IMMP2L: variants seen among roughly 807,000 people sequenced by gnomAD.
IMMP2L encodes the protein inner mitochondrial membrane peptidase subunit 2.
IMMP2L carries 18 observed loss-of-function variants against 19.3 expected under a neutral mutation model. That is an observed-to-expected ratio of 0.93 (90% CI 0.64 to 1.38). The LOEUF (loss-of-function observed/expected upper bound fraction) is 1.38. Ranked by LOEUF, IMMP2L falls within the 40% of genes most tolerant of loss-of-function variation. The pLI is 0.00. For synonymous variants in IMMP2L, 76 were observed against 73.0 expected (o/e 1.04, Z -0.21); for missense variants, 233 against 218.2 (o/e 1.07, Z -0.43).
At chr7:111,515,668 G>A (rs756587702) in intron 2 of IMMP2L, among the ~76,000 whole-genome samples, 5 of 151,860 alleles carry the variant, frequency 3.3e-5, no homozygotes, top group Non-Finnish European at 7.4e-5. Flanking sequence ...TTTTGCACTG[G>A]GAATATTTCA....
intron 2 of IMMP2L, among the ~76,000 whole-genome samples, chr7:111,503,993 A>G (rs1844607184): frequency 6.6e-6 from 1 of 152,104 alleles, no homozygotes; most frequent in Admixed American, 6.6e-5. Flanking sequence ...GGAGAAGGAA[A>G]TAAAGGGTAT....
chr7:111,341,421 A>T lies in IMMP2L; in HGVS notation c.239+145817T>A, dbSNP rs1826997163. On this transcript the variant is annotated intron_variant, in intron 3 of 5. Transcript: ENST00000405709. The stretch of plus-strand genomic sequence containing the variant: ...ATGATGTAAACTGCAATCAATGTTT[A>T]AAAAAACATAGTTACATACATATGA... Among the ~76,000 whole-genome samples, 3 of 152,162 alleles carry T rather than the reference A, an allele frequency of 2.0e-5. 1 individual carries two copies. Among genetic ancestry groups the T allele is most frequent in the Non-Finnish European group, 4.4e-5 (3 of 68,020 alleles).
chr7:111,381,690 G>A (rs563289560), intron 3 of IMMP2L, among the ~76,000 whole-genome samples: 1 of 151,992 alleles, frequency 6.6e-6, no homozygotes, highest in South Asian at 2.1e-4. Context: ...AAAGAGAAAA[G>A]CTCAAAAGAA....
chr7:110,982,770 A>G lies in IMMP2L; in HGVS notation c.240-19205T>C, dbSNP rs570398191. On this transcript the variant is annotated intron_variant, in intron 3 of 5. Coordinates refer to ENST00000405709, the MANE Select transcript of IMMP2L (RefSeq NM_032549.4). ...GAAACTAAATAATCTACTTTCAACT[A>G]CAACAAATGGATAAAGGTATTTTTT... 2.0e-5 allele frequency among the ~76,000 whole-genome samples: 3 copies of G among 152,248 alleles called. No individual in the cohort carries two copies. In the South Asian group the frequency reaches 6.2e-4, roughly 32 times the overall value.
At chr7:111,192,603 GACATTTGGAAC>G (rs1330117254) in intron 3 of IMMP2L, among the ~76,000 whole-genome samples, 2 of 152,088 alleles carry the variant, frequency 1.3e-5, no homozygotes, top group African/African-American at 4.8e-5. Context: ...AAATCAGTAA[GACATTTGGAAC>G]ACACCAATTA....
intron 5 of IMMP2L, among the ~76,000 whole-genome samples, chr7:110,715,154 C>G (rs1397118132): frequency 4.6e-5 from 7 of 152,036 alleles, no homozygotes; most frequent in African/African-American, 1.7e-4. Context: ...TTTGGATCTT[C>G]TCTCTTTTTT....
chr7:110,689,333 CAT>C (rs1372487181), intron 5 of IMMP2L, among the ~76,000 whole-genome samples: 3 of 151,976 alleles, frequency 2.0e-5, no homozygotes, highest in African/African-American at 7.3e-5. Flanking sequence ...GTAGTATGCA[CAT>C]GTTATTTTTT....
intron 3 of IMMP2L, among the ~76,000 whole-genome samples, chr7:111,384,785 G>A (rs1274838790): frequency 6.6e-6 from 1 of 152,052 alleles, no homozygotes; most frequent in African/African-American, 2.4e-5. Flanking sequence ...TTCAAAAAGA[G>A]CATTTTACAT....
intron 3 of IMMP2L, among the ~76,000 whole-genome samples, chr7:111,081,992 G>T (rs1007650928): frequency 6.6e-6 from 1 of 152,180 alleles, no homozygotes; most frequent in Non-Finnish European, 1.5e-5. Context: ...TGGAGCAGGA[G>T]TCTCCTAGAA....
intron 3 of IMMP2L, among the ~76,000 whole-genome samples, chr7:111,456,641 A>C (rs1839700311): frequency 6.6e-6 from 1 of 152,054 alleles, no homozygotes; most frequent in South Asian, 2.1e-4. Flanking sequence ...AGCCTTTTGT[A>C]ATATGTTATA....
intron 5 of IMMP2L, among the ~76,000 whole-genome samples, chr7:110,830,572 C>T (rs964313277): frequency 6.6e-5 from 10 of 151,998 alleles, no homozygotes; most frequent in African/African-American, 2.4e-4. Context: ...CCATCTTGTA[C>T]TGCAAACAAA....
intron 2 of IMMP2L, among the ~76,000 whole-genome samples, chr7:111,504,960 A>G (rs1353519297): frequency 6.6e-6 from 1 of 152,128 alleles, no homozygotes; most frequent in Non-Finnish European, 1.5e-5. Context: ...ACAAAAGCCA[A>G]AACTGACAAA....
intron 3 of IMMP2L, among the ~76,000 whole-genome samples, chr7:111,177,255 C>T (rs1214896336): frequency 6.6e-6 from 1 of 152,088 alleles, no homozygotes; most frequent in Non-Finnish European, 1.5e-5. Context: ...TCGCAGTTCA[C>T]TGCAGGCTTG....
chr7:111,008,090 C>T (rs1456878773), intron 3 of IMMP2L, among the ~76,000 whole-genome samples: 1 of 152,076 alleles, frequency 6.6e-6, no homozygotes, highest in Non-Finnish European at 1.5e-5. Flanking sequence ...GTATCTTCTA[C>T]TACTACAATA....
intron 5 of IMMP2L, among the ~76,000 whole-genome samples, chr7:110,781,622 T>C (rs2131084420): frequency 6.6e-6 from 1 of 151,952 alleles, no homozygotes; most frequent in Middle Eastern, 3.4e-3. Context: ...ACTAAAATAT[T>C]CATTTTCCTA....
chr7:111,307,235 C>T (rs1443289524), intron 3 of IMMP2L, among the ~76,000 whole-genome samples: 6 of 151,588 alleles, frequency 4.0e-5, no homozygotes, highest in Non-Finnish European at 8.9e-5. Context: ...TATATTTGCT[C>T]TAAATGGCAC....
At position 110,787,857 on chromosome 7, in the gene IMMP2L, C is replaced by CAAAA. The variant is rs61235379; in HGVS notation, c.408+98732_408+98735dup. 1.8e-4 allele frequency among the ~76,000 whole-genome samples: 27 copies of CAAAA among 150,876 alleles called. 1 individual carries two copies. Among genetic ancestry groups the CAAAA allele is most frequent in the Non-Finnish European group, 3.1e-4 (21 of 67,654 alleles). On this transcript the variant is annotated intron_variant, in intron 5 of 5. Coordinates refer to ENST00000405709, the MANE Select transcript of IMMP2L (RefSeq NM_032549.4). ...ATAAATGGTAAAGTTCCAGGAAGGA[C>CAAAA]AAAAAAAACAGATTAAGAGAATGGA...
intron 5 of IMMP2L, among the ~76,000 whole-genome samples, chr7:110,882,047 C>T (rs768054065): frequency 6.6e-6 from 1 of 152,084 alleles, no homozygotes; most frequent in Non-Finnish European, 1.5e-5. Flanking sequence ...TCCCTCCCTT[C>T]CATCCTTCCT....
At chr7:111,003,845 T>C (rs2129561734) in intron 3 of IMMP2L, among the ~76,000 whole-genome samples, 1 of 152,304 alleles carries the variant, frequency 6.6e-6, no homozygotes, top group East Asian at 1.9e-4. Flanking sequence ...TCCAGTGTTC[T>C]TTCTCCACCC....
Sources: gnomAD v4.1 joint callset for allele counts (sites outside exome capture counted in the v4.1 genomes callset) on GRCh38, gnomAD v4.1.1 for gene constraint, MANE v1.5 for transcripts, NCBI Gene and HGNC (gene_info 2026-07-23, HGNC 2026-07-21) for gene names.